The following CHRDL1 variants were observed in gnomAD, a reference collection of about 807,000 sequenced individuals.
CHRDL1 encodes the protein chordin-like protein 1.
Under a neutral mutation model 40.9 loss-of-function variants are expected in CHRDL1, and 19 were observed. The observed-to-expected ratio is 0.46, with a 90% CI of 0.32 to 0.68. The LOEUF (loss-of-function observed/expected upper bound fraction) is 0.68, where lower values mean the gene tolerates loss of function less well. Among genes scored for constraint, CHRDL1 ranks in the 30% least tolerant of loss-of-function variants. The pLI, the probability that CHRDL1 is intolerant of heterozygous loss-of-function variation, is 0.03. For missense variants in CHRDL1, 329 were observed against 352.1 expected, an observed-to-expected ratio of 0.93 and a Z score of 0.53; for synonymous variants, 136 against 123.4, an observed-to-expected ratio of 1.10 and a Z score of -0.68.
chrX:110,700,596 G>C (rs1019647707), intron 7 of CHRDL1, 58 bp downstream of exon 7: 4 of 787,283 alleles, frequency 5.1e-6, no homozygotes, highest in Non-Finnish European at 7.8e-6. Flanking sequence ...GCCACGAGGA[G>C]AGGAAAGCTT....
chrX:110,703,678 A>G (rs1412811022), intron 6 of CHRDL1, among the ~76,000 whole-genome samples: 2 of 112,120 alleles, frequency 1.8e-5, no homozygotes, highest in Non-Finnish European at 3.8e-5. Context: ...AATGAAATAC[A>G]CATGCTTAGG....
In CHRDL1 at chrX:110,689,498, A is replaced by C. The variant is rs1344099039; in HGVS notation, c.779-695T>G. Among the ~76,000 whole-genome samples, 42 of 52,468 alleles carry C rather than the reference A, an allele frequency of 8.0e-4. 3 individuals carry two copies. Among genetic ancestry groups the C allele is most frequent in the African/African-American group, 4.4e-3 (23 of 5,278 alleles). 45.6% of individuals were successfully genotyped at this position (52,468 alleles called of 115,157 possible). On this transcript the variant is annotated intron_variant, in intron 8 of 11. Coordinates refer to ENST00000372042, the MANE Select transcript of CHRDL1 (RefSeq NM_001143981.2). ...TATCTATATATCTATATCTCTATAT[A>C]TCTATATATCTATATCTCTATATAT...
chrX:110,679,246 CTG>C, intron 11 of CHRDL1, 88 bp downstream of exon 11: 1 of 629,315 alleles, frequency 1.6e-6, no homozygotes, highest in Non-Finnish European at 2.7e-6. Flanking sequence ...CTAATGTTCA[CTG>C]AGATTGCGGA....
At chrX:110,693,757 T>C (rs184062076) in intron 8 of CHRDL1, among the ~76,000 whole-genome samples, 10 of 110,772 alleles carry the variant, frequency 9.0e-5, no homozygotes, top group Admixed American at 2.9e-4. Context: ...CTGGGGTGCA[T>C]TGAGGTGTGA....
chrX:110,680,605 T>C (rs1347620391), intron 10 of CHRDL1, among the ~76,000 whole-genome samples: 1 of 111,990 alleles, frequency 8.9e-6, no homozygotes, highest in Non-Finnish European at 1.9e-5. Context: ...GCCAGGTATC[T>C]GCATTTAAAA....
At chrX:110,726,104 G>A (rs907261943) in intron 4 of CHRDL1, among the ~76,000 whole-genome samples, 1 of 111,124 alleles carries the variant, frequency 9.0e-6, no homozygotes, top group East Asian at 2.8e-4. Flanking sequence ...CCCTAGAATA[G>A]GATGCTGTTT....
intron 1 of CHRDL1, among the ~76,000 whole-genome samples, chrX:110,794,945 C>T (rs752354431): frequency 6.2e-5 from 7 of 112,605 alleles, no homozygotes; most frequent in Non-Finnish European, 1.1e-4. Context: ...CCCACTCTAC[C>T]ACCCAGCAAG....
chrX:110,753,425 A>G (rs1390873056), intron 4 of CHRDL1, among the ~76,000 whole-genome samples: 2 of 112,124 alleles, frequency 1.8e-5, no homozygotes, highest in Non-Finnish European at 3.8e-5. Flanking sequence ...TGACTGTGTA[A>G]TAGGTTTCCT....
intron 4 of CHRDL1, among the ~76,000 whole-genome samples, chrX:110,722,290 C>T (rs902100389): frequency 5.4e-5 from 6 of 111,316 alleles, no homozygotes; most frequent in African/African-American, 2.0e-4. Flanking sequence ...AGCCATGGCG[C>T]CCGGCCACCG....
chrX:110,705,945 T>A (rs1331173659), intron 6 of CHRDL1, among the ~76,000 whole-genome samples: 1 of 110,743 alleles, frequency 9.0e-6, no homozygotes, highest in Non-Finnish European at 1.9e-5. Context: ...ATTAAGTCTA[T>A]TAAGTAGCTG....
intron 7 of CHRDL1, 27 bp downstream of exon 7, chrX:110,700,627 T>C: frequency 2.9e-6 from 3 of 1,026,055 alleles, no homozygotes; most frequent in Non-Finnish European, 4.1e-6. Context: ...TGTGGAGTGT[T>C]GAATTATTTG....
At chrX:110,770,385 C>T (rs183341593) in intron 2 of CHRDL1, among the ~76,000 whole-genome samples, 33 of 73,928 alleles carry the variant, frequency 4.5e-4, no homozygotes, top group East Asian at 2.3e-3. Flanking sequence ...GAAAACACAG[C>T]ACATCATTTA....
chrX:110,706,220 CT>C (rs1296506506), intron 6 of CHRDL1, among the ~76,000 whole-genome samples: 1 of 110,789 alleles, frequency 9.0e-6, no homozygotes, highest in Non-Finnish European at 1.9e-5. Context: ...GAGATGGAGG[CT>C]TTTTCATTCA....
chrX:110,760,009 G>C (rs2089533490), intron 3 of CHRDL1, among the ~76,000 whole-genome samples: 1 of 111,906 alleles, frequency 8.9e-6, no homozygotes, highest in African/African-American at 3.2e-5. Flanking sequence ...CATTAATTGT[G>C]GGAGGCTTCT....
chrX:110,712,433 G>T lies in CHRDL1; in HGVS notation c.541+7402C>A, dbSNP rs1300919004. ...GAGATCAGCCAGCCAGCCTAAAGGA[G>T]ATGTGTGTGTTGGTGTCAGAGAAAT... On this transcript the variant is annotated intron_variant, in intron 6 of 11. Transcript: ENST00000372042. 2.7e-5 allele frequency among the ~76,000 whole-genome samples: 3 copies of T among 111,858 alleles called. No homozygotes were observed. The East Asian group carries it at 8.4e-4, about 31-fold the overall frequency.
At chrX:110,709,310 G>A (rs2070703778) in intron 6 of CHRDL1, among the ~76,000 whole-genome samples, 1 of 111,902 alleles carries the variant, frequency 8.9e-6, no homozygotes. Flanking sequence ...ACACATGGGG[G>A]AATACCCGGC....
At chrX:110,716,553 G>A (rs1443984663) in intron 6 of CHRDL1, among the ~76,000 whole-genome samples, 1 of 111,085 alleles carries the variant, frequency 9.0e-6, no homozygotes, top group East Asian at 2.8e-4. Context: ...GTAGAGACAG[G>A]TTTACTTCTA....
chrX:110,728,286 C>T (rs965629754), intron 4 of CHRDL1, among the ~76,000 whole-genome samples: 2 of 110,651 alleles, frequency 1.8e-5, no homozygotes, highest in African/African-American at 3.3e-5. Context: ...TATATGTATA[C>T]CTAGATATAT....
intron 8 of CHRDL1, among the ~76,000 whole-genome samples, chrX:110,691,839 G>A (rs2070284663): frequency 9.0e-6 from 1 of 111,225 alleles, no homozygotes; most frequent in Non-Finnish European, 1.9e-5. Flanking sequence ...AAAATGGAGA[G>A]CTGACACCTC....
Sources: gnomAD v4.1 joint callset for allele counts (sites outside exome capture counted in the v4.1 genomes callset) on GRCh38, gnomAD v4.1.1 for gene constraint, MANE v1.5 for transcripts, NCBI Gene and HGNC (gene_info 2026-07-23, HGNC 2026-07-21) for gene names.